PTPRD: variants seen among roughly 807,000 people sequenced by gnomAD.
PTPRD encodes receptor-type tyrosine-protein phosphatase delta.
Under a neutral mutation model 214.5 loss-of-function variants are expected in PTPRD, and 34 were observed. The observed-to-expected ratio is 0.16, with a 90% confidence interval of 0.12 to 0.21. The LOEUF (loss-of-function observed/expected upper bound fraction) is 0.21. PTPRD is among the 10% of genes least tolerant of loss of function. PTPRD has a pLI of 1.00. For missense variants in PTPRD, 2,545 were observed against 2,398.7 expected (o/e 1.06, Z -1.27); for synonymous variants, 1,128 against 845.7 (o/e 1.33, Z -5.79).
chr9:9,918,909 A>G (rs144961565), intron 5 of PTPRD, among the ~76,000 whole-genome samples: 145 of 152,182 alleles, frequency 9.5e-4, no homozygotes, highest in African/African-American at 3.3e-3. Flanking sequence ...AAATTAATCA[A>G]TACCTAAATA....
intron 7 of PTPRD, among the ~76,000 whole-genome samples, chr9:9,626,481 TG>T (rs2095429837): frequency 6.6e-6 from 1 of 152,162 alleles, no homozygotes; most frequent in Non-Finnish European, 1.5e-5. Flanking sequence ...CGATCTCAAA[TG>T]GCTTCAAATA....
At chr9:9,304,140 A>G (rs545112422) in intron 9 of PTPRD, among the ~76,000 whole-genome samples, 1 of 152,238 alleles carries the variant, frequency 6.6e-6, no homozygotes, top group Middle Eastern at 3.4e-3. Context: ...TTCTAGGCCC[A>G]TGATTGAGCT....
intron 9 of PTPRD, among the ~76,000 whole-genome samples, chr9:9,383,086 A>T (rs1231829908): frequency 6.6e-6 from 1 of 152,012 alleles, no homozygotes; most frequent in Non-Finnish European, 1.5e-5. Flanking sequence ...TATATTTCTT[A>T]AATTTGGGAA....
intron 6 of PTPRD, among the ~76,000 whole-genome samples, chr9:9,754,285 C>A (rs897154423): frequency 6.6e-6 from 1 of 152,028 alleles, no homozygotes; most frequent in Non-Finnish European, 1.5e-5. Flanking sequence ...AATTCTTACA[C>A]GCCCCGTAAT....
At chr9:8,512,122 C>G (rs972148884) in intron 21 of PTPRD, among the ~76,000 whole-genome samples, 1 of 151,978 alleles carries the variant, frequency 6.6e-6, no homozygotes, top group Non-Finnish European at 1.5e-5. Flanking sequence ...GCTAAAATAT[C>G]CAGTATTTTA....
intron 12 of PTPRD, among the ~76,000 whole-genome samples, chr9:8,689,740 G>T (rs1231348682): frequency 2.6e-5 from 4 of 152,120 alleles, no homozygotes; most frequent in Non-Finnish European, 5.9e-5. Flanking sequence ...TATCCTATTT[G>T]GTTCATCTCT....
chr9:10,165,724 G>C (rs1331685714), intron 3 of PTPRD, among the ~76,000 whole-genome samples: 3 of 151,414 alleles, frequency 2.0e-5, no homozygotes, highest in South Asian at 4.2e-4. Flanking sequence ...GTTTATTACA[G>C]AGCCAAACAT....
At chr9:8,339,319 G>A (rs914076199) in intron 42 of PTPRD, among the ~76,000 whole-genome samples, 2 of 152,056 alleles carry the variant, frequency 1.3e-5, no homozygotes, top group Non-Finnish European at 2.9e-5. Context: ...ATTGAGAATT[G>A]AATACTTTCA....
chr9:10,258,294 T>C (rs2093435510), intron 3 of PTPRD, among the ~76,000 whole-genome samples: 1 of 152,250 alleles, frequency 6.6e-6, no homozygotes, highest in South Asian at 2.1e-4. Context: ...CCGTGCATGG[T>C]CATGGGAGCT....
chr9:9,929,188 G>C (rs1243124623), intron 5 of PTPRD, among the ~76,000 whole-genome samples: 2 of 152,086 alleles, frequency 1.3e-5, no homozygotes, highest in Non-Finnish European at 2.9e-5. Flanking sequence ...TGTGCATACT[G>C]GGGGAGAAGA....
intron 8 of PTPRD, among the ~76,000 whole-genome samples, chr9:9,474,437 T>A (rs1343083900): frequency 6.6e-6 from 1 of 152,112 alleles, no homozygotes; most frequent in African/African-American, 2.4e-5. Context: ...ACCTTTGTGG[T>A]CCCATATATA....
At chr9:9,538,423 G>C (rs1281592875) in intron 8 of PTPRD, among the ~76,000 whole-genome samples, 1 of 151,868 alleles carries the variant, frequency 6.6e-6, no homozygotes, top group Admixed American at 6.6e-5. Flanking sequence ...TAGAGCTTAT[G>C]TTCCTCCCTT....
intron 29 of PTPRD, among the ~76,000 whole-genome samples, chr9:8,484,967 G>C (rs949666955): frequency 2.0e-5 from 3 of 152,190 alleles, no homozygotes; most frequent in African/African-American, 7.2e-5. Context: ...CACTAGCTTA[G>C]ATGTAAAAAG....
chr9:9,906,970 C>T (rs10816223), intron 5 of PTPRD, among the ~76,000 whole-genome samples: 87,856 of 151,618 alleles, frequency 0.58, 25,794 homozygotes, highest in African/African-American at 0.67. Flanking sequence ...AAAAGCACCA[C>T]TGCCAAAATT....
chr9:9,906,384 T>A (rs967009294), intron 5 of PTPRD, among the ~76,000 whole-genome samples: 3 of 151,964 alleles, frequency 2.0e-5, no homozygotes, highest in African/African-American at 7.2e-5. Context: ...GTCTTTATTT[T>A]ATATAGACTA....
chr9:9,907,419 T>C (rs2077895878), intron 5 of PTPRD, among the ~76,000 whole-genome samples: 2 of 152,066 alleles, frequency 1.3e-5, no homozygotes, highest in African/African-American at 4.8e-5. Flanking sequence ...ATCAAGTTGT[T>C]GGTAGGTCTG....
chr9:9,899,733 A>T (rs1469314402), intron 5 of PTPRD, among the ~76,000 whole-genome samples: 1 of 152,126 alleles, frequency 6.6e-6, no homozygotes, highest in Admixed American at 6.6e-5. Flanking sequence ...CAGTATGTGG[A>T]AGAGATATCT....
At chr9:9,046,630 T>A (rs1217449952) in intron 10 of PTPRD, among the ~76,000 whole-genome samples, 2 of 152,178 alleles carry the variant, frequency 1.3e-5, no homozygotes, top group Non-Finnish European at 2.9e-5. Flanking sequence ...AGGGGTCATA[T>A]AACTTTTTTA....
chr9:8,618,962 G>A (rs1178281038), intron 14 of PTPRD, among the ~76,000 whole-genome samples: 2 of 105,904 alleles, frequency 1.9e-5, no homozygotes, highest in Non-Finnish European at 3.6e-5. Flanking sequence ...GTTTCACCAT[G>A]TTGGTCAGGC....
Sources: gnomAD v4.1 joint callset for allele counts (sites outside exome capture counted in the v4.1 genomes callset) on GRCh38, gnomAD v4.1.1 for gene constraint, MANE v1.5 for transcripts, NCBI Gene and HGNC (gene_info 2026-07-23, HGNC 2026-07-21) for gene names.